Variants in TMEM161A observed in about 807,000 individuals in gnomAD.
TMEM161A encodes the protein adaptive response to oxidative stress protein 29.
Under a neutral mutation model 57.1 loss-of-function variants are expected in TMEM161A, and 46 were observed. The observed-to-expected ratio is 0.81, with a 90% confidence interval of 0.64 to 1.03. The LOEUF (loss-of-function observed/expected upper bound fraction) is 1.03, where lower values mean the gene tolerates loss of function less well. Ranked by LOEUF, TMEM161A falls within the 50% of genes least tolerant of loss-of-function variation. The probability of loss-of-function intolerance (pLI) is 0.00; values close to 1 mark genes in which losing one functional copy is unlikely to be tolerated. For missense variants in TMEM161A, 601 were observed against 621.5 expected, an observed-to-expected ratio of 0.97 and a Z score of 0.35; for synonymous variants, 288 against 279.0, an observed-to-expected ratio of 1.03 and a Z score of -0.32.
chr19:19,133,251 G>C lies in TMEM161A; in HGVS notation c.108-41C>G, dbSNP rs377726075. 1.9e-6 allele frequency: 3 copies of C among 1,597,822 alleles called. No homozygotes were observed. The African/African-American group carries it at 4.0e-5, about 21-fold the overall frequency. ...GGCAGTCAGGGAAGCTCAGGCGTGG[G>C]GTTGGGAGGTTGAGGCAGTGAACCC... On this transcript the variant is annotated intron_variant, in intron 2 of 11. Coordinates refer to ENST00000162044, the MANE Select transcript of TMEM161A (RefSeq NM_017814.3).
chr19:19,138,213 C>A (rs2059992732), intron 1 of TMEM161A, among the ~76,000 whole-genome samples: 1 of 152,236 alleles, frequency 6.6e-6, no homozygotes, highest in Non-Finnish European at 1.5e-5. Context: ...CTTCTAGTCC[C>A]CCTGGGTACA....
Position 19,119,605 on chromosome 19 carries a change from A to C in TMEM161A, c.*325T>G. On this transcript the variant is annotated 3_prime_UTR_variant, in exon 12 of 12. Coordinates refer to ENST00000162044, the MANE Select transcript of TMEM161A (RefSeq NM_017814.3). ...CCTGCACAAGCCCGAGTCCCAAACCACTCAGACCCTGTTTGTAAAAATCGG... is the reference window on the plus strand; with the variant it reads ...CCTGCACAAGCCCGAGTCCCAAACCCCTCAGACCCTGTTTGTAAAAATCGG... 2.9e-6 allele frequency: 1 copy of C among 347,094 alleles called. No homozygotes were observed. The highest frequency in any genetic ancestry group is 6.0e-5 in the East Asian group (1 of 16,660). The allele number at this position is 347,094 out of a possible 1,614,324, so 21.5% of individuals were successfully genotyped here.
chr19:19,120,654 T>G, intron 11 of TMEM161A, 111 bp downstream of exon 11: 3 of 872,286 alleles, frequency 3.4e-6, no homozygotes, highest in Non-Finnish European at 5.3e-6. Flanking sequence ...CTCCGCCCCC[T>G]GCCTAGGCCC....
intron 1 of TMEM161A, 22 bp downstream of exon 1, chr19:19,138,404 A>C: frequency 1.2e-6 from 2 of 1,601,564 alleles, no homozygotes; most frequent in Non-Finnish European, 1.7e-6. Flanking sequence ...AGAACCCCCC[A>C]CTTCGCGGGA....
At chr19:19,129,366 TGGTGAG>T (rs1250054037) in intron 6 of TMEM161A, among the ~76,000 whole-genome samples, 1 of 152,014 alleles carries the variant, frequency 6.6e-6, no homozygotes, top group Non-Finnish European at 1.5e-5. Context: ...ATGTGGGCCA[TGGTGAG>T]GGCTATGGTC....
intron 6 of TMEM161A, among the ~76,000 whole-genome samples, chr19:19,125,044 A>G (rs567410932): frequency 6.6e-6 from 1 of 152,258 alleles, no homozygotes; most frequent in Non-Finnish European, 1.5e-5. Context: ...TATATGCTAT[A>G]AAATTAGAAA....
At chr19:19,123,203 G>C (rs1039846327) in intron 6 of TMEM161A, among the ~76,000 whole-genome samples, 1 of 152,170 alleles carries the variant, frequency 6.6e-6, no homozygotes, top group Non-Finnish European at 1.5e-5. Context: ...AGAACAGAGA[G>C]CCCAACGCAA....
At chr19:19,128,214 G>A (rs911072508) in intron 6 of TMEM161A, among the ~76,000 whole-genome samples, 3 of 149,998 alleles carry the variant, frequency 2.0e-5, no homozygotes, top group Non-Finnish European at 4.4e-5. Flanking sequence ...ATGGTTGCAC[G>A]ACATCTAAAT....
At chr19:19,120,321 A>T (rs1245259554) in intron 11 of TMEM161A, 138 bp from the exon 12 acceptor site, 6 of 791,942 alleles carry the variant, frequency 7.6e-6, no homozygotes, top group African/African-American at 1.8e-5. Flanking sequence ...CCCAGTCTCC[A>T]CCCCCTCAGG....
chr19:19,123,174 G>A (rs1342691500), intron 6 of TMEM161A, among the ~76,000 whole-genome samples: 2 of 152,154 alleles, frequency 1.3e-5, no homozygotes, highest in African/African-American at 2.4e-5. Context: ...ATGAAGAGAG[G>A]CTAAGAGATA....
Position 19,121,800 on chromosome 19 carries a change from C to A in TMEM161A, c.615G>T (p.Gln205His). ...GLEPGLASMT[Q>H]NLEPLLKKQG... ...GCTTCTTCAGAAGTGGCTCTAAGTT[C>A]TGGGTCATGCTGGCCAGACCTGGGG... Residue 205 changes from glutamine (Q) to histidine (H), a missense_variant, in exon 7 of 12, where the codon CAG (glutamine) becomes CAT (histidine). Transcript: ENST00000162044. The surrounding 1 kb of genome is among the most constrained non-coding windows in gnomAD (Gnocchi z 5.8). The A allele has an allele frequency of 1.2e-6, 2 of 1,613,916 alleles. No homozygotes were observed. The highest frequency in any genetic ancestry group is 1.7e-6 in the Non-Finnish European group (2 of 1,180,002).
chr19:19,129,971 G>A (rs2059949583), intron 6 of TMEM161A, among the ~76,000 whole-genome samples, 185 bp downstream of exon 6: 1 of 152,146 alleles, frequency 6.6e-6, no homozygotes, highest in Non-Finnish European at 1.5e-5. Context: ...GAGAGGCAAT[G>A]TCCTGTCTTC....
intron 3 of TMEM161A, 122 bp downstream of exon 3, chr19:19,133,008 G>T: frequency 4.5e-6 from 4 of 889,900 alleles, no homozygotes; most frequent in Non-Finnish European, 6.9e-6. Flanking sequence ...CCAGATCAGC[G>T]CCTGGAAGTA....
chr19:19,132,216 G>T lies in TMEM161A; in HGVS notation c.443+136C>A. On this transcript the variant is annotated intron_variant, in intron 5 of 11. Transcript: ENST00000162044. This position sits in a 1 kb window ranked among gnomAD's most constrained non-coding sequence, Gnocchi z 4.3. ...CCCACAGAGCTGGAGCACATAAAAT[G>T]TCTGCTTCATGTCACTAAGCTTGGG... 9.6e-7 allele frequency: 1 copy of T among 1,043,228 alleles called. No homozygotes were observed. Among genetic ancestry groups the T allele is most frequent in the Non-Finnish European group, 1.4e-6 (1 of 720,636 alleles). 64.6% of individuals were successfully genotyped at this position (1,043,228 alleles called of 1,614,324 possible). A position where few individuals can be genotyped will look rare whatever the true frequency, so the allele number is the denominator to read the frequency against.
chr19:19,127,873 A>C lies in TMEM161A; in HGVS notation c.595+2283T>G, dbSNP rs139784732. Among the ~76,000 whole-genome samples the C allele has an allele frequency of 5.2e-3, 792 of 152,044 alleles. 10 individuals carry two copies. The highest frequency in any genetic ancestry group is 0.018 in the African/African-American group (727 of 41,530). On this transcript the variant is annotated intron_variant, in intron 6 of 11. Transcript: ENST00000162044. The stretch of plus-strand genomic sequence containing the variant: ...GAGGATCACTTGAGCCCTGGAGATC[A>C]AGGCTGCAGTGAGTTGTGATTGCAC...
intron 2 of TMEM161A, 37 bp from the exon 3 acceptor site, chr19:19,133,247 G>C (rs373441714): frequency 6.2e-7 from 1 of 1,604,604 alleles, no homozygotes. Context: ...AAGCTCAGGC[G>C]TGGGGTTGGG....
chr19:19,129,803 G>T (rs1324131356), intron 6 of TMEM161A, among the ~76,000 whole-genome samples: 1 of 152,014 alleles, frequency 6.6e-6, no homozygotes, highest in Admixed American at 6.6e-5. Flanking sequence ...AGCTTGGGAG[G>T]CTGAGGCAGG....
chr19:19,132,852 T>C lies in TMEM161A; in HGVS notation c.189-98A>G. ...GAGCAGCTGGCCTGGAGACCATCTC[T>C]TTCCACAACCTTGGCTCCTCTGCAC... On this transcript the variant is annotated intron_variant, in intron 3 of 11. Coordinates refer to ENST00000162044, the MANE Select transcript of TMEM161A (RefSeq NM_017814.3). The surrounding 1 kb of genome is among the most constrained non-coding windows in gnomAD (Gnocchi z 4.3). 3.9e-6 allele frequency: 4 copies of C among 1,034,300 alleles called. No individual in the cohort carries two copies. The highest frequency in any genetic ancestry group is 5.6e-6 in the Non-Finnish European group (4 of 719,948). The allele number at this position is 1,034,300 out of a possible 1,614,324, so 64.1% of individuals were successfully genotyped here.
In TMEM161A at chr19:19,134,766, C is replaced by T. The variant is rs1184846227; in HGVS notation, c.107+18G>A. 42 of 1,542,444 alleles carry T rather than the reference C, an allele frequency of 2.7e-5. No individual in the cohort carries two copies. Among genetic ancestry groups the T allele is most frequent in the Non-Finnish European group, 3.6e-5 (41 of 1,142,258 alleles). ...GCGTGACTCCGCGGGCCCCTCCCAC[C>T]GCCGGGGCGGGGCTCACCTGCCGTT... is the stretch of plus-strand genomic sequence containing the variant. On this transcript the variant is annotated intron_variant, in intron 2 of 11. Coordinates refer to ENST00000162044, the MANE Select transcript of TMEM161A (RefSeq NM_017814.3).
Sources: allele counts gnomAD v4.1 joint callset (sites outside exome capture counted in the v4.1 genomes callset), GRCh38; gene constraint gnomAD v4.1.1; non-coding constraint Gnocchi (gnomAD v3.1); transcripts MANE v1.5; gene names NCBI Gene and HGNC (gene_info 2026-07-23, HGNC 2026-07-21).